HMGCLL1: variants seen among roughly 807,000 people sequenced by gnomAD.
The protein encoded by HMGCLL1 is 3-hydroxymethyl-3-methylglutaryl-CoA lyase, cytoplasmic.
In HMGCLL1, 36 loss-of-function variants were observed where a neutral mutation model predicts 39.1. The observed-to-expected ratio is 0.92, with a 90% CI of 0.71 to 1.22. The LOEUF is 1.22. HMGCLL1 is among the 50% of genes most tolerant of loss of function. The probability of loss-of-function intolerance (pLI) is 0.00; values close to 1 mark genes in which losing one functional copy is unlikely to be tolerated. For missense variants in HMGCLL1, 451 were observed against 416.5 expected (o/e 1.08, Z -0.72); for synonymous variants, 149 against 144.0 (o/e 1.03, Z -0.25).
intron 7 of HMGCLL1, among the ~76,000 whole-genome samples, chr6:55,474,006 T>C (rs928258559): frequency 6.6e-6 from 1 of 151,568 alleles, no homozygotes; most frequent in African/African-American, 2.4e-5. Context: ...ATAGATACGG[T>C]GTATTTTTTC....
chr6:55,572,806 A>T (rs925831458), intron 1 of HMGCLL1, among the ~76,000 whole-genome samples: 2 of 152,190 alleles, frequency 1.3e-5, no homozygotes, highest in African/African-American at 4.8e-5. Flanking sequence ...CAAACCTCTC[A>T]CTGACAATGA....
chr6:55,593,585 T>C, the HMGCLL1 span, among the ~76,000 whole-genome samples: 1 of 152,156 alleles, frequency 6.6e-6, no homozygotes, highest in Admixed American at 6.6e-5. Flanking sequence ...GTGAATTAGC[T>C]TGTTTTAAAC....
chr6:55,568,862 C>T (rs1233104717), intron 1 of HMGCLL1, among the ~76,000 whole-genome samples: 1 of 151,872 alleles, frequency 6.6e-6, no homozygotes, highest in African/African-American at 2.4e-5. Context: ...GAAACACACA[C>T]ACACACACAC....
At chr6:55,616,437 T>C in the HMGCLL1 span, among the ~76,000 whole-genome samples, 4 of 152,200 alleles carry the variant, frequency 2.6e-5, no homozygotes, top group Non-Finnish European at 4.4e-5. Context: ...AACATGACAG[T>C]TGATCACAGA....
chr6:55,647,779 T>C, the HMGCLL1 span, among the ~76,000 whole-genome samples: 1 of 145,256 alleles, frequency 6.9e-6, no homozygotes, highest in East Asian at 2.0e-4. Context: ...ATTTTTTTTT[T>C]TTATTATACT....
intron 1 of HMGCLL1, among the ~76,000 whole-genome samples, chr6:55,542,436 G>C (rs1769497753): frequency 6.6e-6 from 1 of 151,922 alleles, no homozygotes; most frequent in African/African-American, 2.4e-5. Flanking sequence ...CAAATCTGTT[G>C]GGTGATTCCG....
chr6:55,643,287 A>G, the HMGCLL1 span, among the ~76,000 whole-genome samples: 1 of 151,978 alleles, frequency 6.6e-6, no homozygotes, highest in Admixed American at 6.6e-5. Context: ...TTTTCTCCGC[A>G]ACCTTGTCAA....
chr6:55,483,473 C>T (rs1365277654), intron 7 of HMGCLL1, among the ~76,000 whole-genome samples: 3 of 152,110 alleles, frequency 2.0e-5, no homozygotes, highest in African/African-American at 7.2e-5. Flanking sequence ...ACCATGTTGC[C>T]AGGATGGTCC....
intron 1 of HMGCLL1, among the ~76,000 whole-genome samples, chr6:55,563,398 G>GT (rs767817607): frequency 2.1e-4 from 32 of 152,082 alleles, no homozygotes; most frequent in Non-Finnish European, 3.8e-4. Flanking sequence ...GATATGCCCA[G>GT]TTTTTTTGGT....
At chr6:55,487,712 C>CTTTA (rs1766106709) in intron 7 of HMGCLL1, among the ~76,000 whole-genome samples, 3 of 151,830 alleles carry the variant, frequency 2.0e-5, no homozygotes, top group African/African-American at 7.3e-5. Flanking sequence ...TTTACAGTAC[C>CTTTA]CAGGATAACA....
intron 5 of HMGCLL1, among the ~76,000 whole-genome samples, chr6:55,502,275 G>T (rs1370016617): frequency 6.6e-6 from 1 of 151,560 alleles, no homozygotes; most frequent in African/African-American, 2.4e-5. Context: ...ATTCTTTCAT[G>T]GTAGTCTATT....
At position 55,435,733 on chromosome 6, in the gene HMGCLL1, C is replaced by G. The variant is rs750932567; in HGVS notation, c.952G>C (p.Gly318Arg). 2 of 1,602,740 alleles carry G rather than the reference C, an allele frequency of 1.2e-6. No homozygotes were observed. The highest frequency in any genetic ancestry group is 1.1e-5 in the South Asian group (1 of 90,204). ...GVNLYKVMEA[G>R]DFICKAVNKT... Reference sequence around the variant, plus strand: ...TTCACAGCTTTGCAAATAAAGTCACCAGCTTCCATCACTTTGTATAGATTC... The same window carrying G: ...TTCACAGCTTTGCAAATAAAGTCACGAGCTTCCATCACTTTGTATAGATTC... The change falls in exon 9 of 9, where the codon GGT (glycine) becomes CGT (arginine). Residue 318 changes from glycine to arginine, a missense_variant. Transcript: ENST00000274901.
intron 3 of HMGCLL1, 46 bp from the exon 4 acceptor site, chr6:55,516,649 T>A: frequency 7.9e-7 from 1 of 1,258,838 alleles, no homozygotes; most frequent in Non-Finnish European, 1.1e-6. Context: ...TTCGAATATG[T>A]TACCGAGAAT....
chr6:55,676,663 T>C, the HMGCLL1 span, among the ~76,000 whole-genome samples: 1 of 152,258 alleles, frequency 6.6e-6, no homozygotes, highest in Non-Finnish European at 1.5e-5. Flanking sequence ...TCCAAAGTTG[T>C]AATAATCTTC....
At chr6:55,595,845 C>T in the HMGCLL1 span, among the ~76,000 whole-genome samples, 2 of 152,024 alleles carry the variant, frequency 1.3e-5, no homozygotes, top group African/African-American at 4.8e-5. Context: ...TTTTTTGAAC[C>T]AAACTGACGT....
the HMGCLL1 span, among the ~76,000 whole-genome samples, chr6:55,642,409 C>T: frequency 2.0e-4 from 31 of 151,874 alleles, no homozygotes; most frequent in Non-Finnish European, 3.8e-4. Context: ...GACTGATTAA[C>T]AATAATATAA....
chr6:55,604,836 C>A, the HMGCLL1 span, among the ~76,000 whole-genome samples: 8 of 152,144 alleles, frequency 5.3e-5, no homozygotes, highest in Admixed American at 3.9e-4. Context: ...ACAGTGGGCA[C>A]TACATTACAG....
At chr6:55,544,859 G>A (rs1393752605) in intron 1 of HMGCLL1, among the ~76,000 whole-genome samples, 3 of 152,198 alleles carry the variant, frequency 2.0e-5, no homozygotes, top group Admixed American at 2.0e-4. Context: ...TGTGATGCAT[G>A]AAGTTAACCT....
the HMGCLL1 span, among the ~76,000 whole-genome samples, chr6:55,666,298 G>T: frequency 1.3e-5 from 2 of 151,644 alleles, no homozygotes; most frequent in Non-Finnish European, 3.0e-5. Context: ...CCCATTTCAA[G>T]AATTAACCCA....
Sources: allele counts gnomAD v4.1 joint callset (sites outside exome capture counted in the v4.1 genomes callset), GRCh38; gene constraint gnomAD v4.1.1; transcripts MANE v1.5; gene names NCBI Gene and HGNC (gene_info 2026-07-23, HGNC 2026-07-21).